The following FOXP1 variants were observed in gnomAD, a reference collection of about 807,000 sequenced individuals.
The protein encoded by FOXP1 is forkhead box protein P1.
FOXP1 carries 15 observed loss-of-function variants against 98.2 expected under a neutral mutation model. The observed-to-expected ratio is 0.15, with a 90% CI of 0.10 to 0.24. The LOEUF (loss-of-function observed/expected upper bound fraction) is 0.24. Among genes scored for constraint, FOXP1 ranks in the 10% least tolerant of loss-of-function variants. The pLI, the probability that FOXP1 is intolerant of heterozygous loss-of-function variation, is 1.00. For missense variants in FOXP1, 633 were observed against 848.5 expected (o/e 0.75, Z 3.15); for synonymous variants, 371 against 314.5 (o/e 1.18, Z -1.90).
intron 2 of FOXP1, among the ~76,000 whole-genome samples, chr3:71,537,198 C>G (rs1402968698): frequency 1.3e-5 from 2 of 152,222 alleles, no homozygotes; most frequent in Admixed American, 6.5e-5. Context: ...CACAGCCAAT[C>G]TGCCTCCCGA....
intron 3 of FOXP1, among the ~76,000 whole-genome samples, chr3:71,424,049 C>A (rs2083885095): frequency 6.6e-6 from 1 of 152,188 alleles, no homozygotes; most frequent in African/African-American, 2.4e-5. Context: ...CCGCCTCAGC[C>A]TCCCAAGTCG....
chr3:71,462,474 C>T (rs1275412617), intron 3 of FOXP1, among the ~76,000 whole-genome samples: 1 of 152,158 alleles, frequency 6.6e-6, no homozygotes, highest in African/African-American at 2.4e-5. Context: ...CACAGAATCA[C>T]GTATCCATGA....
chr3:71,414,653 G>C (rs2083066055), intron 3 of FOXP1, among the ~76,000 whole-genome samples: 1 of 152,368 alleles, frequency 6.6e-6, no homozygotes, highest in African/African-American at 2.4e-5. Context: ...AGCCCGCAGA[G>C]GGGGAGTAAG....
rs113295255 is a variant in FOXP1, at chr3:71,233,436, G to A, written c.-11-35044C>T. 2.0e-5 allele frequency among the ~76,000 whole-genome samples: 3 copies of A among 151,586 alleles called. No individual in the cohort carries two copies. The East Asian group carries it at 5.8e-4, about 29-fold the overall frequency. On this transcript the variant is annotated intron_variant, in intron 5 of 20. Transcript: ENST00000649528. ...ATAGTTTTTTTTTGTTTTTGTTTTT[G>A]TTTTTTTGAGATGGAGTTTCACTCT...
chr3:71,223,707 A>G (rs1399800989), intron 5 of FOXP1, among the ~76,000 whole-genome samples: 1 of 152,016 alleles, frequency 6.6e-6, no homozygotes, highest in Non-Finnish European at 1.5e-5. Flanking sequence ...AAAAAAAAAA[A>G]AAAAAGAAAA....
chr3:71,444,997 G>A (rs111741180), intron 3 of FOXP1, among the ~76,000 whole-genome samples: 15 of 152,292 alleles, frequency 9.8e-5, no homozygotes, highest in Admixed American at 2.0e-4. Context: ...CAATGTGGCC[G>A]GGCAGGGGAA....
intron 6 of FOXP1, among the ~76,000 whole-genome samples, chr3:71,114,075 G>C (rs1437683672): frequency 6.6e-6 from 1 of 152,036 alleles, no homozygotes; most frequent in Non-Finnish European, 1.5e-5. Flanking sequence ...ATTTCTATAT[G>C]GTAACCAAAT....
intron 12 of FOXP1, among the ~76,000 whole-genome samples, chr3:71,005,160 C>T (rs1373574602): frequency 6.6e-6 from 1 of 151,316 alleles, no homozygotes; most frequent in Non-Finnish European, 1.5e-5. Context: ...TGGTAGACTG[C>T]CCTAGTTTCC....
chr3:71,267,360 G>A (rs1343269383), intron 5 of FOXP1, among the ~76,000 whole-genome samples: 1 of 152,086 alleles, frequency 6.6e-6, no homozygotes, highest in East Asian at 1.9e-4. Context: ...GATCCAGATG[G>A]AAAGAAATCT....
chr3:70,958,421 G>T lies in FOXP1; in HGVS notation c.*826C>A, dbSNP rs897315599. The T allele has an allele frequency of 1.3e-5, 6 of 459,388 alleles. No homozygotes were observed. Among genetic ancestry groups the T allele is most frequent in the African/African-American group, 9.9e-5 (5 of 50,596 alleles). The allele number at this position is 459,388 out of a possible 1,614,324, so 28.5% of individuals were successfully genotyped here. A position where few individuals can be genotyped will look rare whatever the true frequency, so the allele number is the denominator to read the frequency against. On this transcript the variant is annotated 3_prime_UTR_variant, in exon 21 of 21. Transcript: ENST00000649528. ...GGACCTTTTTGAAAAAGACCAAAAC[G>T]GAATGTTTTCTGACTTTAGAGAAAC...
chr3:71,542,670 G>A (rs894808899), intron 2 of FOXP1, among the ~76,000 whole-genome samples: 1 of 152,242 alleles, frequency 6.6e-6, no homozygotes, highest in Admixed American at 6.5e-5. Flanking sequence ...CAGAAGTGTG[G>A]CAGACACACA....
At chr3:71,023,560 A>G (rs1231852996) in intron 11 of FOXP1, among the ~76,000 whole-genome samples, 1 of 152,194 alleles carries the variant, frequency 6.6e-6, no homozygotes, top group Non-Finnish European at 1.5e-5. Flanking sequence ...TTCTTCAATG[A>G]CAGCTTATAC....
At chr3:71,235,146 A>T (rs1015880481) in intron 5 of FOXP1, among the ~76,000 whole-genome samples, 3 of 151,924 alleles carry the variant, frequency 2.0e-5, no homozygotes, top group Admixed American at 2.0e-4. Context: ...AAAAAATCTT[A>T]GCAAAGCGAC....
In FOXP1 at chr3:71,064,904, C is replaced by T. The variant is rs989537323; in HGVS notation, c.283-11131G>A. Reference sequence around the variant, plus strand: ...CGGGCCGGGCGTGGGGTCCGGCGGCCTCGGCGTGCAGGCGGACTGCACGCG... The same window carrying T: ...CGGGCCGGGCGTGGGGTCCGGCGGCTTCGGCGTGCAGGCGGACTGCACGCG... On this transcript the variant is annotated intron_variant, in intron 7 of 20. Transcript: ENST00000649528. The T allele has an allele frequency of 9.5e-6, 7 of 737,588 alleles. No homozygotes were observed. The African/African-American group carries it at 1.4e-4, about 14-fold the overall frequency. 45.7% of individuals were successfully genotyped at this position (737,588 alleles called of 1,614,324 possible).
intron 6 of FOXP1, among the ~76,000 whole-genome samples, chr3:71,179,356 C>T (rs922526594): frequency 2.6e-5 from 4 of 152,008 alleles, no homozygotes; most frequent in Non-Finnish European, 5.9e-5. Context: ...GATCCACCTG[C>T]CTCGGCCTCT....
chr3:71,346,860 A>G (rs1408210914), intron 4 of FOXP1, among the ~76,000 whole-genome samples: 2 of 152,160 alleles, frequency 1.3e-5, no homozygotes, highest in Non-Finnish European at 2.9e-5. Context: ...CCTGGCTAAC[A>G]TGGTGAAACC....
intron 4 of FOXP1, among the ~76,000 whole-genome samples, chr3:71,349,936 T>A (rs981988965): frequency 2.0e-5 from 3 of 152,218 alleles, no homozygotes; most frequent in African/African-American, 4.8e-5. Flanking sequence ...TAAGAATGTA[T>A]GAATAAACAA....
intron 3 of FOXP1, among the ~76,000 whole-genome samples, chr3:71,488,826 T>C (rs1320526301): frequency 6.6e-6 from 1 of 152,242 alleles, no homozygotes; most frequent in African/African-American, 2.4e-5. Flanking sequence ...TGAGTGAAGA[T>C]CTGTATTTTT....
At chr3:70,966,950 A>G (rs2034924299) in intron 19 of FOXP1, among the ~76,000 whole-genome samples, 1 of 152,226 alleles carries the variant, frequency 6.6e-6, no homozygotes, top group African/African-American at 2.4e-5. Flanking sequence ...TGGACTAAGT[A>G]AGGTACCCAA....
Sources: allele counts gnomAD v4.1 joint callset (sites outside exome capture counted in the v4.1 genomes callset), GRCh38; gene constraint gnomAD v4.1.1; transcripts MANE v1.5; gene names NCBI Gene and HGNC (gene_info 2026-07-23, HGNC 2026-07-21).